The following TRAF2 variants were observed in gnomAD, a reference collection of about 807,000 sequenced individuals.
The protein encoded by TRAF2 is TNF receptor associated factor 2, also known as TNF receptor-associated factor 2.
Under a neutral mutation model 55.6 loss-of-function variants are expected in TRAF2, and 6 were observed. The observed-to-expected ratio is 0.11, with a 90% CI of 0.06 to 0.21. The LOEUF (loss-of-function observed/expected upper bound fraction) is 0.21, where lower values mean the gene tolerates loss of function less well. Ranked by LOEUF, TRAF2 falls within the 10% of genes least tolerant of loss-of-function variation. The pLI, the probability that TRAF2 is intolerant of heterozygous loss-of-function variation, is 1.00. For missense variants in TRAF2, 561 were observed against 684.5 expected (o/e 0.82, Z 2.01); for synonymous variants, 329 against 276.3 (o/e 1.19, Z -1.89).
At chr9:136,888,915 G>C (rs577853073) in intron 1 of TRAF2, among the ~76,000 whole-genome samples, 3 of 152,322 alleles carry the variant, frequency 2.0e-5, no homozygotes, top group Non-Finnish European at 4.4e-5. Context: ...CACCCGGCTG[G>C]AGTGCAGTGG....
At chr9:136,898,480 C>A in intron 1 of TRAF2, 1 of 672,324 alleles carries the variant, frequency 1.5e-6, no homozygotes, top group Non-Finnish European at 1.8e-6. Context: ...TGGATGCCAG[C>A]TGTGTGGTCC....
At chr9:136,897,734 C>T (rs1849715114) in intron 1 of TRAF2, among the ~76,000 whole-genome samples, 1 of 142,076 alleles carries the variant, frequency 7.0e-6, no homozygotes, top group South Asian at 2.3e-4. Flanking sequence ...CGTTCCCGCT[C>T]TCAGGGCTGG....
chr9:136,892,613 C>T (rs961868877), intron 1 of TRAF2, among the ~76,000 whole-genome samples: 4 of 152,204 alleles, frequency 2.6e-5, no homozygotes, highest in Non-Finnish European at 5.9e-5. Flanking sequence ...GGCACAGTGG[C>T]TCATGCCTAT....
intron 4 of TRAF2, among the ~76,000 whole-genome samples, chr9:136,907,454 T>G (rs1849981338): frequency 6.6e-6 from 1 of 152,266 alleles, no homozygotes; most frequent in Admixed American, 6.5e-5. Context: ...TCCTCGCAGC[T>G]TCGGCCCTTT....
intron 5 of TRAF2, among the ~76,000 whole-genome samples, chr9:136,908,900 C>A (rs1345719645): frequency 7.2e-6 from 1 of 138,098 alleles, no homozygotes; most frequent in Non-Finnish European, 1.5e-5. Context: ...AAGCCAGGCA[C>A]GGTGGCGAGT....
chr9:136,886,633 C>T, intron 1 of TRAF2, 92 bp downstream of exon 1: 4 of 898,930 alleles, frequency 4.4e-6, no homozygotes, highest in Non-Finnish European at 5.3e-6. Flanking sequence ...GCGCGGGCAC[C>T]TCTCAGGGAG....
At chr9:136,915,662 T>A (rs546546251) in intron 6 of TRAF2, among the ~76,000 whole-genome samples, 35 of 152,168 alleles carry the variant, frequency 2.3e-4, no homozygotes, top group African/African-American at 7.9e-4. Flanking sequence ...GAGACCAACC[T>A]CCTATGGGTG....
At chr9:136,900,684 C>T (rs1203904293) in intron 4 of TRAF2, 164 bp downstream of exon 4, 2 of 701,484 alleles carry the variant, frequency 2.9e-6, no homozygotes, top group Non-Finnish European at 5.3e-6. Flanking sequence ...AGAGTATGTC[C>T]ATTTAGAAAC....
chr9:136,911,264 CTT>C (rs34077067), intron 6 of TRAF2, among the ~76,000 whole-genome samples: 1,444 of 122,370 alleles, frequency 0.012, 17 homozygotes, highest in African/African-American at 0.028. Flanking sequence ...TCCTTCCCGT[CTT>C]TTTTTTTTTT....
In TRAF2 at chr9:136,926,482, G is replaced by C; in HGVS notation, c.*581G>C. ...CCTTGGCCAGGCTGGCTGTGGGAGA[G>C]GGTCTGGTCCCACGCCGCCTCTGCT... On this transcript the variant is annotated 3_prime_UTR_variant, in exon 11 of 11. Coordinates refer to ENST00000247668, the MANE Select transcript of TRAF2 (RefSeq NM_021138.4). 1 of 233,316 alleles carries C rather than the reference G, an allele frequency of 4.3e-6. No homozygotes were observed. Among genetic ancestry groups the C allele is most frequent in the South Asian group, 6.3e-5 (1 of 15,868 alleles). The allele number at this position is 233,316 out of a possible 1,614,324, so 14.5% of individuals were successfully genotyped here.
rs1564420928 is a variant in TRAF2 at position 136,920,439 on chromosome 9, G to A, written c.884G>A (p.Arg295Lys). ...IVCVLNREVE[R>K]VAMTAEACSR... ...TGCGTCCTGAACCGGGAGGTGGAGA[G>A]GGTGGCCATGACTGCCGAGGCCTGC... The change falls in exon 8 of 11, where the codon AGG (arginine) becomes AAG (lysine). Residue 295 changes from arginine (R) to lysine (K), a missense_variant. Physicochemically the swap from Arg to Lys is conservative, Grantham distance 26. Around this residue, in one of 2 missense-constraint regions of TRAF2, gnomAD observed 426 missense variants for 476.8 expected, o/e 0.89. Transcript: ENST00000247668. 6.2e-7 allele frequency: 1 copy of A among 1,614,054 alleles called. No homozygotes were observed. Among genetic ancestry groups the A allele is most frequent in the Non-Finnish European group, 8.5e-7 (1 of 1,180,032 alleles).
chr9:136,920,672 T>TG (rs1436550411), intron 8 of TRAF2, among the ~76,000 whole-genome samples, 157 bp downstream of exon 8: 1 of 152,222 alleles, frequency 6.6e-6, no homozygotes, highest in Admixed American at 6.5e-5. Context: ...GGGGAGGCTC[T>TG]GGCCCCCTTC....
At position 136,898,830 on chromosome 9, in the gene TRAF2, C is replaced by T. The variant is rs149061831; in HGVS notation, c.90C>T (p.Ala30=). The change falls in exon 2 of 11, where the codon GCC becomes GCT. Residue 30 remains alanine (A), a synonymous_variant. Transcript: ENST00000247668. The stretch of plus-strand genomic sequence containing the variant: ...CCCTCCTGGGGACCAAGCTGGAAGC[C>T]AAGTACCTGTGCTCCGCCTGCAGAA... The part of the protein sequence containing the change: ...SKTLLGTKLE[A]KYLCSACRNV... 1.8e-4 allele frequency: 292 copies of T among 1,613,702 alleles called. No homozygotes were observed. The highest frequency in any genetic ancestry group is 2.4e-4 in the Non-Finnish European group (281 of 1,180,054).
Position 136,916,566 on chromosome 9 carries a change from G to C in TRAF2, c.629G>C (p.Gly210Ala). ...EKFQDHVKTC[G>A]KCRVPCRFHA... ...TTTCAGGACCACGTCAAGACTTGTG[G>C]CAAGTGTCGAGTCCCTTGCAGATTC... The change falls in exon 7 of 11, where the codon GGC becomes GCC. Residue 210 changes from glycine to alanine, a missense_variant. By Grantham distance (60) the Gly-to-Ala change is moderately conservative. This residue lies in a region of TRAF2 where 426 missense variants were observed against 476.8 expected (regional missense o/e 0.89). Coordinates refer to ENST00000247668, the MANE Select transcript of TRAF2 (RefSeq NM_021138.4). The C allele has an allele frequency of 1.2e-6, 2 of 1,614,032 alleles. No individual in the cohort carries two copies. Among genetic ancestry groups the C allele is most frequent in the Non-Finnish European group, 1.7e-6 (2 of 1,179,980 alleles).
At chr9:136,903,713 A>T (rs1849878387) in intron 4 of TRAF2, among the ~76,000 whole-genome samples, 1 of 151,646 alleles carries the variant, frequency 6.6e-6, no homozygotes, top group African/African-American at 2.4e-5. Flanking sequence ...ATGGAGTCTC[A>T]CTCTGTCACC....
chr9:136,883,665 T>G (rs1183558891), upstream of TRAF2, among the ~76,000 whole-genome samples: 4 of 151,788 alleles, frequency 2.6e-5, no homozygotes, highest in Non-Finnish European at 5.9e-5. Context: ...TACAGGCATC[T>G]GCCACCATGC....
rs779715367 is a variant in TRAF2, at chr9:136,899,618, C to T, written c.213C>T (p.Ala71=). The T allele has an allele frequency of 1.9e-6, 3 of 1,613,190 alleles. No individual in the cohort carries two copies. Among genetic ancestry groups the T allele is most frequent in the African/African-American group, 1.3e-5 (1 of 74,890 alleles). ...GCTCTGGGCCTCAGAACTGTGCTGC[C>T]TGTGTTCACGAGGGCATATATGAAG... ...ILSSGPQNCA[A]CVHEGIYEEG... Residue 71 remains alanine, a synonymous_variant, in exon 3 of 11, where the codon GCC becomes GCT. Transcript: ENST00000247668.
chr9:136,925,991 C>T lies in TRAF2; in HGVS notation c.*90C>T. 2 of 1,515,488 alleles carry T rather than the reference C, an allele frequency of 1.3e-6. No homozygotes were observed. The highest frequency in any genetic ancestry group is 1.8e-6 in the Non-Finnish European group (2 of 1,100,218). 93.9% of individuals were successfully genotyped at this position (1,515,488 alleles called of 1,614,324 possible). On this transcript the variant is annotated 3_prime_UTR_variant, in exon 11 of 11. Coordinates refer to ENST00000247668, the MANE Select transcript of TRAF2 (RefSeq NM_021138.4). ...CACGCTGGGCCAGGGTCTCACTGTA[C>T]AAGTGGGCAGGGGCCGCGCTTGGGC... is the stretch of plus-strand genomic sequence containing the variant.
chr9:136,886,975 G>A (rs769322752), intron 1 of TRAF2, among the ~76,000 whole-genome samples: 10 of 152,198 alleles, frequency 6.6e-5, no homozygotes, highest in Non-Finnish European at 1.5e-4. Flanking sequence ...CCCTCAGCCG[G>A]CTGCGTGCTC....
Sources: gnomAD v4.1 joint callset for allele counts (sites outside exome capture counted in the v4.1 genomes callset) on GRCh38, gnomAD v4.1.1 for gene constraint, gnomAD v4.1.1 regional missense constraint, MANE v1.5 for transcripts, NCBI Gene and HGNC (gene_info 2026-07-23, HGNC 2026-07-21) for gene names.